Variants in CDIN1 observed in about 807,000 individuals in gnomAD.
CDIN1 encodes the protein CDAN1-interacting nuclease 1.
A neutral mutation model predicts 45.3 loss-of-function variants in CDIN1; 33 were observed. The ratio of observed to expected loss-of-function variants is 0.73; its 90% CI spans 0.55 to 0.97. The LOEUF is 0.97. Among genes scored for constraint, CDIN1 ranks in the 50% least tolerant of loss-of-function variants. The pLI is 0.00. For synonymous variants in CDIN1, 118 were observed against 124.4 expected (o/e 0.95, Z 0.34); for missense variants, 303 against 339.4 (o/e 0.89, Z 0.84).
intron 10 of CDIN1, among the ~76,000 whole-genome samples, chr15:36,731,563 C>G (rs2043835703): frequency 6.6e-6 from 1 of 152,096 alleles, no homozygotes; most frequent in South Asian, 2.1e-4. Context: ...GAGATATGTT[C>G]AAGTTTCATT....
intron 10 of CDIN1, among the ~76,000 whole-genome samples, chr15:36,783,686 T>C (rs1175638518): frequency 6.6e-6 from 1 of 152,130 alleles, no homozygotes; most frequent in Non-Finnish European, 1.5e-5. Context: ...AAACGTAAGT[T>C]GGAATTTGCT....
intron 5 of CDIN1, among the ~76,000 whole-genome samples, chr15:36,672,847 A>C (rs2041503182): frequency 2.0e-5 from 3 of 151,158 alleles, no homozygotes; most frequent in South Asian, 4.2e-4. Context: ...GTGCCTTTTT[A>C]TTTTTGAATA....
intron 1 of CDIN1, chr15:36,619,027 GTA>G: frequency 7.1e-7 from 1 of 1,409,198 alleles, no homozygotes; most frequent in South Asian, 1.3e-5. Flanking sequence ...TCGCTCCAAT[GTA>G]GTGTCTCCCA....
chr15:36,759,072 C>T (rs1014774867), intron 10 of CDIN1, among the ~76,000 whole-genome samples: 3 of 152,036 alleles, frequency 2.0e-5, no homozygotes, highest in Non-Finnish European at 1.5e-5. Context: ...TTTTGAGTTG[C>T]CTGAGGGTTT....
chr15:36,579,839 A>G lies in CDIN1; in HGVS notation c.-22A>G, dbSNP rs753650870. On this transcript the variant is annotated 5_prime_UTR_variant, in exon 1 of 11. Transcript: ENST00000566621. Reference sequence around the variant, plus strand: ...AGGGTGTTTTTTCCTTGTTCCCGCCACCTCCTGGTCCCTGGCCCAACATGA... The same window carrying G: ...AGGGTGTTTTTTCCTTGTTCCCGCCGCCTCCTGGTCCCTGGCCCAACATGA... 9 of 1,601,086 alleles carry G rather than the reference A, an allele frequency of 5.6e-6. No homozygotes were observed. In the South Asian group the frequency reaches 1.0e-4, roughly 18 times the overall value.
At chr15:36,682,496 G>C (rs2041885654) in intron 5 of CDIN1, among the ~76,000 whole-genome samples, 1 of 151,758 alleles carries the variant, frequency 6.6e-6, no homozygotes, top group Admixed American at 6.6e-5. Flanking sequence ...TGTTTGGGCT[G>C]GGCAAGGTCA....
At chr15:36,631,536 C>T (rs2140351846) in intron 1 of CDIN1, among the ~76,000 whole-genome samples, 1 of 152,234 alleles carries the variant, frequency 6.6e-6, no homozygotes. Context: ...TGGATGTTTC[C>T]ATTCATATAT....
intron 10 of CDIN1, among the ~76,000 whole-genome samples, chr15:36,754,486 G>A (rs919083114): frequency 6.6e-6 from 1 of 150,972 alleles, no homozygotes; most frequent in African/African-American, 2.4e-5. Context: ...GCAGCTATTG[G>A]GCATGCTACA....
intron 5 of CDIN1, among the ~76,000 whole-genome samples, chr15:36,686,607 C>T (rs1249249324): frequency 4.0e-5 from 6 of 150,252 alleles, no homozygotes; most frequent in African/African-American, 9.8e-5. Flanking sequence ...AGGCCAGGCA[C>T]GGTAGCTCAT....
chr15:36,617,837 G>T, intron 1 of CDIN1: 1 of 783,456 alleles, frequency 1.3e-6, no homozygotes, highest in Non-Finnish European at 2.3e-6. Context: ...TACACAAAAG[G>T]CTTTTAAATC....
intron 1 of CDIN1, among the ~76,000 whole-genome samples, chr15:36,633,562 T>G (rs1457953775): frequency 1.3e-5 from 2 of 152,346 alleles, no homozygotes; most frequent in Middle Eastern, 3.4e-3. Context: ...CTGGTTAGCA[T>G]AAGTTCCCCA....
At chr15:36,783,772 C>G (rs779861384) in intron 10 of CDIN1, among the ~76,000 whole-genome samples, 1 of 152,194 alleles carries the variant, frequency 6.6e-6, no homozygotes, top group Non-Finnish European at 1.5e-5. Context: ...TTGACAAACA[C>G]TGTACCACAA....
chr15:36,731,754 C>G (rs567937992), intron 10 of CDIN1, among the ~76,000 whole-genome samples: 40 of 152,236 alleles, frequency 2.6e-4, no homozygotes, highest in African/African-American at 9.4e-4. Flanking sequence ...GAAAACCTGC[C>G]TGTCTGGCTA....
At chr15:36,733,831 C>T (rs896558808) in intron 10 of CDIN1, among the ~76,000 whole-genome samples, 2 of 152,074 alleles carry the variant, frequency 1.3e-5, no homozygotes, top group Non-Finnish European at 2.9e-5. Flanking sequence ...GGCATTCAAG[C>T]GTGGTTTCAA....
intron 1 of CDIN1, among the ~76,000 whole-genome samples, chr15:36,607,087 A>G (rs1335270360): frequency 6.6e-6 from 1 of 152,184 alleles, no homozygotes; most frequent in Admixed American, 6.5e-5. Context: ...GAGGTTGGAA[A>G]AGTACATTGT....
intron 10 of CDIN1, among the ~76,000 whole-genome samples, chr15:36,804,258 T>C (rs1418476953): frequency 6.6e-6 from 1 of 152,186 alleles, no homozygotes; most frequent in African/African-American, 2.4e-5. Flanking sequence ...AACATTGTTG[T>C]AACTATATTA....
chr15:36,770,408 TAAAA>T (rs953265920), intron 10 of CDIN1, among the ~76,000 whole-genome samples: 3 of 149,282 alleles, frequency 2.0e-5, no homozygotes, highest in Non-Finnish European at 4.5e-5. Context: ...CTTAACTTCT[TAAAA>T]AACACAATCT....
chr15:36,758,168 G>C (rs2053660135), intron 10 of CDIN1, among the ~76,000 whole-genome samples: 1 of 152,068 alleles, frequency 6.6e-6, no homozygotes, highest in African/African-American at 2.4e-5. Context: ...ACTCCTACCA[G>C]CACCTTTTTC....
rs1473050651 is a variant in CDIN1 at position 36,800,907 on chromosome 15, GTGTATATATATATATATA to G, written c.717-7415_717-7398del. 5.4e-3 allele frequency among the ~76,000 whole-genome samples: 170 copies of G among 31,634 alleles called. 2 individuals carry two copies. The highest frequency in any genetic ancestry group is 0.013 in the African/African-American group (149 of 11,392). The allele number at this position is 31,634 out of a possible 152,430, so 20.8% of individuals were successfully genotyped here. A position where few individuals can be genotyped will look rare whatever the true frequency, so the allele number is the denominator to read the frequency against. On this transcript the variant is annotated intron_variant, in intron 10 of 10. Transcript: ENST00000566621. ...TGTGTGTGTGTGTGTGTGTGTGTGT[GTGTATATATATATATATA>G]TATATATATATATATATATGATTCT... is the stretch of plus-strand genomic sequence containing the variant.
Sources: gnomAD v4.1 joint callset for allele counts (sites outside exome capture counted in the v4.1 genomes callset) on GRCh38, gnomAD v4.1.1 for gene constraint, MANE v1.5 for transcripts, NCBI Gene and HGNC (gene_info 2026-07-23, HGNC 2026-07-21) for gene names.